The following FRMD3 variants were observed in gnomAD, a reference collection of about 807,000 sequenced individuals.
The protein encoded by FRMD3 is FERM domain-containing protein 3.
FRMD3 carries 33 observed loss-of-function variants against 70.2 expected under a neutral mutation model. That is an observed-to-expected ratio of 0.47 (90% CI 0.36 to 0.63). The LOEUF (loss-of-function observed/expected upper bound fraction) is 0.63, where lower values mean the gene tolerates loss of function less well. Ranked by LOEUF, FRMD3 falls within the 20% of genes least tolerant of loss-of-function variation. The pLI is 0.00. For synonymous variants in FRMD3, 279 were observed against 255.9 expected, an observed-to-expected ratio of 1.09 and a Z score of -0.86; for missense variants, 632 against 711.4, an observed-to-expected ratio of 0.89 and a Z score of 1.27.
intron 13 of FRMD3, among the ~76,000 whole-genome samples, chr9:83,255,219 G>C (rs1429051056): frequency 1.3e-5 from 2 of 152,128 alleles, no homozygotes; most frequent in Non-Finnish European, 2.9e-5. Flanking sequence ...TGCAAGGTTG[G>C]TTCAACATAC....
chr9:83,413,937 A>C (rs1473967675), intron 1 of FRMD3, among the ~76,000 whole-genome samples: 1 of 152,234 alleles, frequency 6.6e-6, no homozygotes, highest in Non-Finnish European at 1.5e-5. Flanking sequence ...TTATTCCAAG[A>C]AATGATAGAA....
At chr9:83,536,953 A>AAAAAAAAAAAAAAAAAAG (rs1564121093) in intron 1 of FRMD3, among the ~76,000 whole-genome samples, 2 of 146,900 alleles carry the variant, frequency 1.4e-5, no homozygotes, top group African/African-American at 5.0e-5. Flanking sequence ...AAAAAAAAAA[A>AAAAAAAAAAAAAAAAAAG]GCTCAGTCCC....
At chr9:83,495,414 TAGG>T (rs1828922800) in intron 1 of FRMD3, among the ~76,000 whole-genome samples, 1 of 152,130 alleles carries the variant, frequency 6.6e-6, no homozygotes, top group Admixed American at 6.5e-5. Context: ...TAATAAAATG[TAGG>T]AGAAGTGAAA....
chr9:83,349,485 C>A (rs1824072981), intron 4 of FRMD3, among the ~76,000 whole-genome samples, 194 bp downstream of exon 4: 1 of 152,194 alleles, frequency 6.6e-6, no homozygotes, highest in South Asian at 2.1e-4. Context: ...ATTACACTCT[C>A]AATGACAATT....
the FRMD3 span, among the ~76,000 whole-genome samples, chr9:83,560,790 C>T: frequency 6.6e-6 from 1 of 152,190 alleles, no homozygotes; most frequent in Non-Finnish European, 1.5e-5. Context: ...TGTGCCTCTT[C>T]TGTCTTCCCA....
rs1824309725 is a variant in FRMD3, at chr9:83,355,623, G to A, written c.296-5866C>T. 2.0e-5 allele frequency among the ~76,000 whole-genome samples: 3 copies of A among 152,272 alleles called. No individual in the cohort carries two copies. The South Asian group carries it at 6.2e-4, about 32-fold the overall frequency. The stretch of plus-strand genomic sequence containing the variant: ...TCATGTCTACCTTCCAGATGTGTTT[G>A]GGTGGATCCAAATGGCTCCTGGAAC... On this transcript the variant is annotated intron_variant, in intron 3 of 13. Transcript: ENST00000304195.
At chr9:83,444,252 A>G (rs1564080187) in intron 1 of FRMD3, among the ~76,000 whole-genome samples, 6 of 152,202 alleles carry the variant, frequency 3.9e-5, no homozygotes, top group Admixed American at 3.9e-4. Context: ...AGCCAGGCCC[A>G]GCCAAGCTCC....
chr9:83,416,678 C>T (rs1421382038), intron 1 of FRMD3, among the ~76,000 whole-genome samples: 2 of 151,148 alleles, frequency 1.3e-5, no homozygotes, highest in African/African-American at 4.9e-5. Flanking sequence ...TCTAATTCAG[C>T]CAGCTTTATA....
chr9:83,504,927 G>T (rs1829149118), intron 1 of FRMD3, among the ~76,000 whole-genome samples: 1 of 152,194 alleles, frequency 6.6e-6, no homozygotes. Flanking sequence ...TCTTCTGGGA[G>T]ATGTTGGGTC....
At chr9:83,252,509 C>T (rs1659110334) in intron 13 of FRMD3, among the ~76,000 whole-genome samples, 1 of 152,136 alleles carries the variant, frequency 6.6e-6, no homozygotes, top group Admixed American at 6.5e-5. Context: ...ATCAAATTCA[C>T]ACATAACAAT....
Position 83,247,924 on chromosome 9 carries a change from G to A in FRMD3, c.1788C>T (p.Cys596=), listed in dbSNP as rs2118491395. The A allele has an allele frequency of 6.2e-7, 1 of 1,613,220 alleles. No homozygotes were observed. Among genetic ancestry groups the A allele is most frequent in the South Asian group, 1.1e-5 (1 of 91,026 alleles). The change falls in exon 14 of 14, where the codon TGC becomes TGT. Residue 596 remains cysteine, a synonymous_variant. Coordinates refer to ENST00000304195, the MANE Select transcript of FRMD3 (RefSeq NM_174938.6). ...KVHLILYMLG[C]S ...GTCACGTGAGAGATTAACTTCATGAGCAACCCAGCATGTAGAGGATGAGGT... is the reference window on the plus strand; with the variant it reads ...GTCACGTGAGAGATTAACTTCATGAACAACCCAGCATGTAGAGGATGAGGT...
chr9:83,442,655 C>T (rs1346212239), intron 1 of FRMD3, among the ~76,000 whole-genome samples: 3 of 151,852 alleles, frequency 2.0e-5, no homozygotes, highest in Admixed American at 1.3e-4. Flanking sequence ...AGGGGGGGTA[C>T]ATTCCCCCTC....
At chr9:83,343,138 G>T in intron 5 of FRMD3, 52 bp downstream of exon 5, 2 of 1,299,156 alleles carry the variant, frequency 1.5e-6, no homozygotes, top group Non-Finnish European at 2.2e-6. Context: ...GCTTGAAACA[G>T]CCAGAGCTCC....
chr9:83,492,607 C>T (rs1483453887), intron 1 of FRMD3, among the ~76,000 whole-genome samples: 1 of 152,188 alleles, frequency 6.6e-6, no homozygotes, highest in Non-Finnish European at 1.5e-5. Flanking sequence ...TCCACCTAAC[C>T]CTGTCTGGCC....
intron 1 of FRMD3, among the ~76,000 whole-genome samples, chr9:83,511,069 A>T (rs934702651): frequency 6.6e-6 from 1 of 152,344 alleles, no homozygotes; most frequent in African/African-American, 2.4e-5. Flanking sequence ...TCCCACTCAC[A>T]GACTCCCAAC....
chr9:83,489,049 T>C (rs1828756202), intron 1 of FRMD3, among the ~76,000 whole-genome samples: 1 of 151,190 alleles, frequency 6.6e-6, no homozygotes, highest in African/African-American at 2.5e-5. Flanking sequence ...TGTGTGTATG[T>C]GTGTGTTTAA....
chr9:83,270,628 T>C (rs963369192), intron 13 of FRMD3, among the ~76,000 whole-genome samples: 1 of 152,212 alleles, frequency 6.6e-6, no homozygotes, highest in African/African-American at 2.4e-5. Context: ...GGAGCAGTCC[T>C]TGGGTTCCAA....
the FRMD3 span, among the ~76,000 whole-genome samples, chr9:83,562,385 A>C: frequency 6.6e-6 from 1 of 152,312 alleles, no homozygotes; most frequent in East Asian, 1.9e-4. Context: ...CCAACTGACC[A>C]AGGTGGCTAT....
At chr9:83,407,254 T>G (rs1021000601) in intron 1 of FRMD3, among the ~76,000 whole-genome samples, 1 of 152,238 alleles carries the variant, frequency 6.6e-6, no homozygotes. Flanking sequence ...CAGGATAATT[T>G]GTACACACAG....
Sources: gnomAD v4.1 joint callset for allele counts (sites outside exome capture counted in the v4.1 genomes callset) on GRCh38, gnomAD v4.1.1 for gene constraint, MANE v1.5 for transcripts, NCBI Gene and HGNC (gene_info 2026-07-23, HGNC 2026-07-21) for gene names.